C11orf24: variants seen among roughly 807,000 people sequenced by gnomAD.
C11orf24 encodes uncharacterized protein C11orf24.
C11orf24 carries 5 observed loss-of-function variants against 7.3 expected under a neutral mutation model. That is an observed-to-expected ratio of 0.69 (90% CI 0.36 to 1.45). The LOEUF is 1.45. Ranked by LOEUF, C11orf24 falls within the 40% of genes most tolerant of loss-of-function variation. The pLI is 0.03. For missense variants in C11orf24, 566 were observed against 590.5 expected (o/e 0.96, Z 0.43); for synonymous variants, 233 against 235.7 (o/e 0.99, Z 0.11).
Position 68,262,464 on chromosome 11 carries a change from G to A in C11orf24, c.531C>T (p.Thr177=). Residue 177 remains threonine, a synonymous_variant, in exon 4 of 4, where the codon ACC becomes ACT. Coordinates refer to ENST00000304271, the MANE Select transcript of C11orf24 (RefSeq NM_022338.4). ...PAPTSTSTGR[T]PSTTATGHPS... Reference sequence around the variant, plus strand: ...GATGCCCAGTGGCGGTAGTGGACGGGGTCCGCCCTGTGGAAGTGGACGTGG... The same window carrying A: ...GATGCCCAGTGGCGGTAGTGGACGGAGTCCGCCCTGTGGAAGTGGACGTGG... The A allele has an allele frequency of 6.2e-7, 1 of 1,614,146 alleles. No individual in the cohort carries two copies.
chr11:68,266,819 T>A (rs778256152), intron 2 of C11orf24, among the ~76,000 whole-genome samples: 1 of 152,126 alleles, frequency 6.6e-6, no homozygotes, highest in Non-Finnish European at 1.5e-5. Context: ...ACCCCTGGTA[T>A]GTTCCCCAGG....
Sources: allele counts gnomAD v4.1 joint callset (sites outside exome capture counted in the v4.1 genomes callset), GRCh38; gene constraint gnomAD v4.1.1; transcripts MANE v1.5; gene names NCBI Gene and HGNC (gene_info 2026-07-23, HGNC 2026-07-21).